The following DSCAM variants were observed in gnomAD, a reference collection of about 807,000 sequenced individuals.
DSCAM encodes cell adhesion molecule DSCAM.
In DSCAM, 47 loss-of-function variants were observed where a neutral mutation model predicts 217.7. The observed-to-expected ratio is 0.22, with a 90% confidence interval of 0.17 to 0.28. DSCAM has a LOEUF of 0.28. DSCAM is among the 10% of genes least tolerant of loss of function. The pLI is 1.00. For missense variants in DSCAM, 2,080 were observed against 2,618.3 expected, an observed-to-expected ratio of 0.79 and a Z score of 4.49; for synonymous variants, 1,056 against 1,015.3, an observed-to-expected ratio of 1.04 and a Z score of -0.76.
At chr21:40,567,719 G>T (rs2076775635) in intron 3 of DSCAM, among the ~76,000 whole-genome samples, 2 of 152,228 alleles carry the variant, frequency 1.3e-5, no homozygotes, top group African/African-American at 2.4e-5. Flanking sequence ...AAGGTCAAGG[G>T]CTGGGATGTT....
intron 3 of DSCAM, among the ~76,000 whole-genome samples, chr21:40,475,454 T>G (rs1000716080): frequency 2.0e-5 from 3 of 152,186 alleles, no homozygotes; most frequent in African/African-American, 7.2e-5. Flanking sequence ...CAGGGGCTCT[T>G]TGTGTGACCT....
At chr21:40,022,191 T>C (rs1342665166) in intron 32 of DSCAM, among the ~76,000 whole-genome samples, 2 of 152,138 alleles carry the variant, frequency 1.3e-5, no homozygotes, top group Non-Finnish European at 2.9e-5. Context: ...GGCTCTCCAC[T>C]GAGGGTGGCT....
intron 3 of DSCAM, among the ~76,000 whole-genome samples, chr21:40,688,233 G>C (rs1247098981): frequency 6.6e-6 from 1 of 152,170 alleles, no homozygotes; most frequent in East Asian, 1.9e-4. Flanking sequence ...CTGTGTCTTT[G>C]ATGTTAATGT....
intron 18 of DSCAM, among the ~76,000 whole-genome samples, chr21:40,136,145 G>T (rs1484868094): frequency 6.6e-6 from 1 of 152,222 alleles, no homozygotes; most frequent in Admixed American, 6.5e-5. Context: ...TCAACGGAGG[G>T]CTTACGAAAA....
intron 3 of DSCAM, among the ~76,000 whole-genome samples, chr21:40,411,045 A>T (rs907496895): frequency 6.6e-6 from 1 of 152,162 alleles, no homozygotes; most frequent in Non-Finnish European, 1.5e-5. Context: ...AGTTTACATC[A>T]TATGTAGAAA....
chr21:40,732,101 G>C (rs2091018691), intron 1 of DSCAM, among the ~76,000 whole-genome samples: 2 of 152,114 alleles, frequency 1.3e-5, no homozygotes, highest in African/African-American at 4.8e-5. Flanking sequence ...CTTCAACATA[G>C]TTTTTGGGGG....
At chr21:40,336,260 C>A (rs180881632) in intron 8 of DSCAM, among the ~76,000 whole-genome samples, 13 of 152,192 alleles carry the variant, frequency 8.5e-5, no homozygotes, top group African/African-American at 3.1e-4. Flanking sequence ...GATGGTTATG[C>A]GGTCTTTTCT....
chr21:40,772,641 G>A (rs1477177505), intron 1 of DSCAM, among the ~76,000 whole-genome samples: 1 of 152,120 alleles, frequency 6.6e-6, no homozygotes. Flanking sequence ...TGGTTTGGTG[G>A]CCTCCCCAGC....
intron 3 of DSCAM, among the ~76,000 whole-genome samples, chr21:40,550,639 G>A (rs145384408): frequency 1.4e-3 from 213 of 152,260 alleles, no homozygotes; most frequent in Non-Finnish European, 2.6e-3. Context: ...AACACATTAC[G>A]TCTTTGTGGA....
At chr21:40,167,788 C>T (rs2090613373) in intron 15 of DSCAM, among the ~76,000 whole-genome samples, 1 of 152,150 alleles carries the variant, frequency 6.6e-6, no homozygotes, top group Non-Finnish European at 1.5e-5. Flanking sequence ...CCCTTGTGGC[C>T]GGGCACGGTG....
intron 30 of DSCAM, among the ~76,000 whole-genome samples, chr21:40,044,622 A>C (rs2088814148): frequency 6.6e-6 from 1 of 152,220 alleles, no homozygotes; most frequent in Admixed American, 6.5e-5. Flanking sequence ...TTACAGGACA[A>C]AACAAGAAAA....
chr21:40,372,557 A>G (rs2074909365), intron 3 of DSCAM, among the ~76,000 whole-genome samples: 1 of 152,218 alleles, frequency 6.6e-6, no homozygotes, highest in African/African-American at 2.4e-5. Flanking sequence ...CATGCTGCTC[A>G]GTTACCAGAG....
intron 3 of DSCAM, among the ~76,000 whole-genome samples, chr21:40,393,101 A>G (rs2075148662): frequency 6.6e-6 from 1 of 152,218 alleles, no homozygotes; most frequent in Non-Finnish European, 1.5e-5. Flanking sequence ...CTCCAAATTG[A>G]GACCACAAAG....
At chr21:40,755,692 G>C (rs565098884) in intron 1 of DSCAM, among the ~76,000 whole-genome samples, 1 of 152,280 alleles carries the variant, frequency 6.6e-6, no homozygotes, top group South Asian at 2.1e-4. Flanking sequence ...CCAAGGTATA[G>C]GCGAGTTGTG....
At chr21:40,104,028 T>C (rs537661290) in intron 20 of DSCAM, among the ~76,000 whole-genome samples, 1 of 152,258 alleles carries the variant, frequency 6.6e-6, no homozygotes, top group East Asian at 1.9e-4. Flanking sequence ...CTTGATGTAA[T>C]TGTTTAGAAT....
At chr21:40,452,896 T>C (rs1193864220) in intron 3 of DSCAM, among the ~76,000 whole-genome samples, 1 of 152,124 alleles carries the variant, frequency 6.6e-6, no homozygotes, top group Non-Finnish European at 1.5e-5. Flanking sequence ...AGTTTATGCT[T>C]CAGTTGTTGA....
chr21:40,566,316 GAAGAC>G (rs2076763964), intron 3 of DSCAM, among the ~76,000 whole-genome samples: 1 of 152,048 alleles, frequency 6.6e-6, no homozygotes. Context: ...ATCATCCAGA[GAAGAC>G]AAGACACTGA....
At chr21:40,360,063 C>T (rs1452140381) in intron 4 of DSCAM, among the ~76,000 whole-genome samples, 2 of 146,600 alleles carry the variant, frequency 1.4e-5, no homozygotes, top group Non-Finnish European at 3.0e-5. Context: ...TTACGTGATG[C>T]TGAGGTTTGG....
rs2088048584 is a variant in DSCAM at position 40,011,025 on chromosome 21, C to A, written c.*2009G>T. The A allele has an allele frequency of 6.6e-6, 1 of 151,918 alleles. No individual in the cohort carries two copies. Among genetic ancestry groups the A allele is most frequent in the Non-Finnish European group, 1.5e-5 (1 of 67,994 alleles). The allele number at this position is 151,918 out of a possible 1,614,324, so 9.4% of individuals were successfully genotyped here. A position where few individuals can be genotyped will look rare whatever the true frequency, so the allele number is the denominator to read the frequency against. Reference sequence around the variant, plus strand: ...AATGTAGAATTTTTTTATTTTTGTACAGGTTGAGAGAAAAATGTTAAAAAG... The same window carrying A: ...AATGTAGAATTTTTTTATTTTTGTAAAGGTTGAGAGAAAAATGTTAAAAAG... On this transcript the variant is annotated 3_prime_UTR_variant, in exon 33 of 33. Coordinates refer to ENST00000400454, the MANE Select transcript of DSCAM (RefSeq NM_001389.5).
Sources: allele counts gnomAD v4.1 joint callset (sites outside exome capture counted in the v4.1 genomes callset), GRCh38; gene constraint gnomAD v4.1.1; transcripts MANE v1.5; gene names NCBI Gene and HGNC (gene_info 2026-07-23, HGNC 2026-07-21).